Variants in MSRA observed in about 807,000 individuals in gnomAD.
MSRA encodes methionine sulfoxide reductase A.
MSRA carries 54 observed loss-of-function variants against 31.3 expected under a neutral mutation model. The observed-to-expected ratio is 1.73, with a 90% CI of 1.39 to 2.17. The LOEUF (loss-of-function observed/expected upper bound fraction) is 2.17. MSRA is among the 30% of genes most tolerant of loss of function. The probability of loss-of-function intolerance (pLI) is 0.00; values close to 1 mark genes in which losing one functional copy is unlikely to be tolerated. For synonymous variants in MSRA, 169 were observed against 116.5 expected, an observed-to-expected ratio of 1.45 and a Z score of -2.90; for missense variants, 507 against 300.9, an observed-to-expected ratio of 1.69 and a Z score of -5.07.
At chr8:10,149,375 C>T (rs1032753682) in intron 1 of MSRA, among the ~76,000 whole-genome samples, 11 of 152,150 alleles carry the variant, frequency 7.2e-5, no homozygotes, top group South Asian at 4.1e-4. Flanking sequence ...CCGCCCGCCT[C>T]GGCCTCCCAA....
At chr8:10,149,158 G>C (rs988310754) in intron 1 of MSRA, among the ~76,000 whole-genome samples, 2 of 148,248 alleles carry the variant, frequency 1.3e-5, no homozygotes, top group Non-Finnish European at 3.0e-5. Context: ...TTTTGCTCTC[G>C]TCGCCTGGGC....
chr8:10,400,606 A>G (rs970454340), intron 5 of MSRA, among the ~76,000 whole-genome samples: 2 of 152,086 alleles, frequency 1.3e-5, no homozygotes, highest in Non-Finnish European at 2.9e-5. Flanking sequence ...CGAGAGATGT[A>G]GGGCATGGAG....
At chr8:10,150,044 G>A (rs1209193119) in intron 1 of MSRA, among the ~76,000 whole-genome samples, 1 of 151,050 alleles carries the variant, frequency 6.6e-6, no homozygotes, top group Admixed American at 6.6e-5. Flanking sequence ...TTGGATTGGG[G>A]AAAAAGTGTC....
chr8:10,278,541 C>T lies in MSRA; in HGVS notation c.332-22993C>T, dbSNP rs1239636772. On this transcript the variant is annotated intron_variant, in intron 3 of 5. Transcript: ENST00000317173. ...ATCTACATCCAGCCCATCAGATGGA[C>T]GGAGAGCACATGGAGTGGGCACACC... Among the ~76,000 whole-genome samples the T allele has an allele frequency of 5.3e-5, 8 of 152,330 alleles. No individual in the cohort carries two copies. The East Asian group carries it at 7.7e-4, about 15-fold the overall frequency.
At chr8:10,318,752 G>T (rs1470764394) in intron 4 of MSRA, among the ~76,000 whole-genome samples, 1 of 152,174 alleles carries the variant, frequency 6.6e-6, no homozygotes, top group African/African-American at 2.4e-5. Context: ...TTTTCAGTCT[G>T]TTGAGTTTCC....
chr8:10,082,054 C>G (rs1798322667), intron 1 of MSRA, among the ~76,000 whole-genome samples: 1 of 151,996 alleles, frequency 6.6e-6, no homozygotes, highest in South Asian at 2.1e-4. Flanking sequence ...ATATATTATG[C>G]AATTTCCTTG....
At chr8:10,389,010 G>A (rs1244350838) in intron 5 of MSRA, among the ~76,000 whole-genome samples, 3 of 152,146 alleles carry the variant, frequency 2.0e-5, no homozygotes, top group Non-Finnish European at 4.4e-5. Context: ...ACATATTTAT[G>A]CCTAGTGTTC....
Position 10,306,814 on chromosome 8 carries a change from G to T in MSRA, c.436+5176G>T, listed in dbSNP as rs180957701. Among the ~76,000 whole-genome samples, 5 of 152,314 alleles carry T rather than the reference G, an allele frequency of 3.3e-5. No individual in the cohort carries two copies. In the East Asian group the frequency reaches 9.6e-4, roughly 29 times the overall value. ...AGGTACACCAGGCAGAGGGTCTTCA[G>T]TTTTGTGTGACTTCACCCACTAAAT... is the stretch of plus-strand genomic sequence containing the variant. On this transcript the variant is annotated intron_variant, in intron 4 of 5. Coordinates refer to ENST00000317173, the MANE Select transcript of MSRA (RefSeq NM_012331.5).
chr8:10,409,769 T>G (rs1808044748), intron 5 of MSRA, among the ~76,000 whole-genome samples: 1 of 152,254 alleles, frequency 6.6e-6, no homozygotes, highest in Non-Finnish European at 1.5e-5. Context: ...ATCAAGATAT[T>G]TCTTCATAGA....
At chr8:10,338,384 G>C (rs957288312) in intron 5 of MSRA, among the ~76,000 whole-genome samples, 2 of 152,300 alleles carry the variant, frequency 1.3e-5, no homozygotes, top group East Asian at 3.9e-4. Context: ...AAAGGGTGCA[G>C]AGTTTCAGAT....
In MSRA at chr8:10,320,777, G is replaced by T. The variant is rs188773114; in HGVS notation, c.543+788G>T. ...GAGGGAAGGGAAGGATCTGTTCCAG[G>T]CCTCTCTCCTTGGCTTCTAGATGGC... On this transcript the variant is annotated intron_variant, in intron 5 of 5. Coordinates refer to ENST00000317173, the MANE Select transcript of MSRA (RefSeq NM_012331.5). 5.0e-3 allele frequency among the ~76,000 whole-genome samples: 765 copies of T among 152,260 alleles called. 4 individuals are homozygous for T. The highest frequency in any genetic ancestry group is 6.6e-3 in the Non-Finnish European group (449 of 68,028).
At chr8:10,185,524 T>C (rs1806963466) in intron 1 of MSRA, among the ~76,000 whole-genome samples, 1 of 152,140 alleles carries the variant, frequency 6.6e-6, no homozygotes. Context: ...GCTTAATCCT[T>C]AGTGCTTCTG....
chr8:10,250,639 A>G (rs543743849), intron 3 of MSRA: 97 of 606,298 alleles, frequency 1.6e-4, no homozygotes, highest in Non-Finnish European at 2.7e-4. Flanking sequence ...GGTTTCGAGC[A>G]GGAGCCCAGG....
intron 1 of MSRA, among the ~76,000 whole-genome samples, chr8:10,072,528 A>G (rs1477842218): frequency 2.0e-5 from 3 of 152,068 alleles, no homozygotes; most frequent in Admixed American, 6.5e-5. Flanking sequence ...AGGCCTTAAT[A>G]TTAGAGTCAT....
chr8:10,250,221 T>C (rs1797845524), intron 3 of MSRA, among the ~76,000 whole-genome samples: 1 of 152,204 alleles, frequency 6.6e-6, no homozygotes, highest in Admixed American at 6.5e-5. Flanking sequence ...GCTATTCAGA[T>C]TCCTGAATAC....
chr8:10,357,201 T>A (rs1048026022), intron 5 of MSRA, among the ~76,000 whole-genome samples: 4 of 152,372 alleles, frequency 2.6e-5, no homozygotes, highest in African/African-American at 9.6e-5. Context: ...ATTGCTTTAC[T>A]GAGAGTTGCA....
At chr8:10,274,100 G>C (rs12682489) in intron 3 of MSRA, among the ~76,000 whole-genome samples, 11,294 of 152,224 alleles carry the variant, frequency 0.074, 569 homozygotes, top group East Asian at 0.25. Flanking sequence ...ATCTGGCAAA[G>C]GACGCAATTT....
intron 5 of MSRA, among the ~76,000 whole-genome samples, chr8:10,384,867 T>C (rs1371020245): frequency 6.6e-6 from 1 of 152,092 alleles, no homozygotes; most frequent in Non-Finnish European, 1.5e-5. Context: ...CTGGGTGTTG[T>C]AGCGCATACC....
At chr8:10,292,478 C>T (rs1563317285) in intron 3 of MSRA, among the ~76,000 whole-genome samples, 1 of 152,240 alleles carries the variant, frequency 6.6e-6, no homozygotes, top group Non-Finnish European at 1.5e-5. Context: ...TGGAAGGAAA[C>T]ACCACTTTTT....
Sources: allele counts gnomAD v4.1 joint callset (sites outside exome capture counted in the v4.1 genomes callset), GRCh38; gene constraint gnomAD v4.1.1; transcripts MANE v1.5; gene names NCBI Gene and HGNC (gene_info 2026-07-23, HGNC 2026-07-21).